Variants in GHR observed in about 807,000 individuals in gnomAD.
The protein encoded by GHR is growth hormone receptor.
In GHR, 35 loss-of-function variants were observed where a neutral mutation model predicts 67.1. That is an observed-to-expected ratio of 0.52 (90% CI 0.40 to 0.69). The LOEUF is 0.69. GHR is among the 30% of genes least tolerant of loss of function. The pLI, the probability that GHR is intolerant of heterozygous loss-of-function variation, is 0.00. For synonymous variants in GHR, 272 were observed against 269.1 expected, an observed-to-expected ratio of 1.01 and a Z score of -0.10; for missense variants, 792 against 764.6, an observed-to-expected ratio of 1.04 and a Z score of -0.42.
chr5:42,471,393 T>C (rs1745005120), intron 1 of GHR, among the ~76,000 whole-genome samples: 1 of 152,248 alleles, frequency 6.6e-6, no homozygotes, highest in Admixed American at 6.5e-5. Context: ...GAGAAGCTAC[T>C]ATTTGAGGAA....
intron 1 of GHR, among the ~76,000 whole-genome samples, chr5:42,469,841 T>C (rs754025986): frequency 2.6e-5 from 4 of 152,124 alleles, no homozygotes; most frequent in Non-Finnish European, 4.4e-5. Flanking sequence ...TTTACTGATT[T>C]TTAGAAGCAT....
chr5:42,655,522 C>T (rs1042796689), intron 3 of GHR, among the ~76,000 whole-genome samples: 15 of 152,070 alleles, frequency 9.9e-5, no homozygotes, highest in East Asian at 3.9e-4. Flanking sequence ...TCATGTATGA[C>T]GGGGTTATGC....
chr5:42,565,175 C>T (rs1319672626), intron 1 of GHR, among the ~76,000 whole-genome samples: 1 of 152,186 alleles, frequency 6.6e-6, no homozygotes, highest in Non-Finnish European at 1.5e-5. Flanking sequence ...ACAGACGCAT[C>T]CCTCTTGGTG....
At chr5:42,599,931 T>C (rs1371253594) in intron 2 of GHR, among the ~76,000 whole-genome samples, 1 of 152,202 alleles carries the variant, frequency 6.6e-6, no homozygotes, top group Non-Finnish European at 1.5e-5. Flanking sequence ...TCACTTGTCT[T>C]CAATAAACCA....
intron 1 of GHR, among the ~76,000 whole-genome samples, chr5:42,484,961 C>G (rs141339241): frequency 4.7e-4 from 71 of 152,286 alleles, no homozygotes; most frequent in African/African-American, 1.7e-3. Flanking sequence ...AGAAATTATA[C>G]CTTTGATTCC....
At chr5:42,454,767 T>C (rs1393272800) in intron 1 of GHR, among the ~76,000 whole-genome samples, 1 of 152,072 alleles carries the variant, frequency 6.6e-6, no homozygotes, top group African/African-American at 2.4e-5. Context: ...AACTCAGTCT[T>C]ACTCCAGGCC....
intron 6 of GHR, among the ~76,000 whole-genome samples, chr5:42,708,536 G>A (rs774955211): frequency 5.3e-5 from 8 of 152,098 alleles, no homozygotes; most frequent in South Asian, 2.1e-4. Flanking sequence ...TTCTAATACT[G>A]TAAATAGTGA....
intron 3 of GHR, among the ~76,000 whole-genome samples, chr5:42,648,520 A>G (rs1416862226): frequency 6.6e-6 from 1 of 152,158 alleles, no homozygotes; most frequent in Non-Finnish European, 1.5e-5. Flanking sequence ...CTTCTTCTCT[A>G]TTCCTGGCTT....
chr5:42,677,410 C>A (rs1212038733), intron 3 of GHR, among the ~76,000 whole-genome samples: 1 of 152,166 alleles, frequency 6.6e-6, no homozygotes, highest in Non-Finnish European at 1.5e-5. Context: ...GCAGCATTCT[C>A]TTTTCATTGT....
chr5:42,465,712 T>C (rs1302648769), intron 1 of GHR: 7 of 900,050 alleles, frequency 7.8e-6, no homozygotes, highest in Non-Finnish European at 1.3e-5. Flanking sequence ...AAAAAAAAGA[T>C]CTATCACTTC....
intron 1 of GHR, among the ~76,000 whole-genome samples, chr5:42,553,599 A>T (rs924317347): frequency 2.0e-5 from 3 of 152,216 alleles, no homozygotes; most frequent in African/African-American, 7.2e-5. Flanking sequence ...TTGTGCAGAT[A>T]ATCCAAGATA....
At chr5:42,562,909 A>G (rs1033106949) in intron 1 of GHR, among the ~76,000 whole-genome samples, 3 of 152,020 alleles carry the variant, frequency 2.0e-5, no homozygotes, top group African/African-American at 4.8e-5. Flanking sequence ...TCGGCCCCCC[A>G]AAGTGCTGGG....
intron 3 of GHR, among the ~76,000 whole-genome samples, chr5:42,657,447 G>A (rs937222908): frequency 2.0e-5 from 3 of 152,084 alleles, no homozygotes; most frequent in Non-Finnish European, 4.4e-5. Context: ...CTATCCTTTG[G>A]TGATGGTTAG....
chr5:42,554,919 G>A (rs1749226968), intron 1 of GHR, among the ~76,000 whole-genome samples: 1 of 151,958 alleles, frequency 6.6e-6, no homozygotes, highest in South Asian at 2.1e-4. Flanking sequence ...GGCATTTGTG[G>A]CTCACATTAT....
chr5:42,518,495 T>G (rs1747337934), intron 1 of GHR, among the ~76,000 whole-genome samples: 1 of 152,130 alleles, frequency 6.6e-6, no homozygotes, highest in African/African-American at 2.4e-5. Context: ...CTAAAAGAAG[T>G]AAAAGTTTAT....
intron 1 of GHR, among the ~76,000 whole-genome samples, chr5:42,502,482 A>G (rs567297328): frequency 1.3e-5 from 2 of 152,308 alleles, no homozygotes; most frequent in East Asian, 3.9e-4. Flanking sequence ...TGACTGGTAA[A>G]TTTCCATTAA....
intron 1 of GHR, among the ~76,000 whole-genome samples, chr5:42,531,903 G>A (rs1290022322): frequency 6.6e-6 from 1 of 151,956 alleles, no homozygotes; most frequent in Non-Finnish European, 1.5e-5. Context: ...TAATCATTTT[G>A]TCCCTAAACT....
intron 1 of GHR, among the ~76,000 whole-genome samples, chr5:42,560,679 A>G (rs1749557243): frequency 6.6e-6 from 1 of 152,044 alleles, no homozygotes; most frequent in African/African-American, 2.4e-5. Context: ...CGTTTCTCAC[A>G]TTTCCAAAAG....
Position 42,424,578 on chromosome 5 carries a change from C to CATGA in GHR, c.-12+624_-12+625insTGAA. The CATGA allele has an allele frequency of 6.5e-7, 1 of 1,534,752 alleles. No homozygotes were observed. The highest frequency in any genetic ancestry group is 1.4e-5 in the African/African-American group (1 of 73,152). On this transcript the variant is annotated intron_variant, in intron 1 of 9. Coordinates refer to ENST00000230882, the MANE Select transcript of GHR (RefSeq NM_000163.5). This position sits in a 1 kb window ranked among gnomAD's most constrained non-coding sequence, Gnocchi z 4.1. ...GAACTGGGGTCAGTAGAGTGACAGC[C>CATGA]ACCAGTCCGCATGAACTGGGGTAAG...
Sources: gnomAD v4.1 joint callset for allele counts (sites outside exome capture counted in the v4.1 genomes callset) on GRCh38, gnomAD v4.1.1 for gene constraint, Gnocchi (gnomAD v3.1) non-coding constraint, MANE v1.5 for transcripts, NCBI Gene and HGNC (gene_info 2026-07-23, HGNC 2026-07-21) for gene names.